Variants in GPC6 observed in about 807,000 individuals in gnomAD.
The protein encoded by GPC6 is glypican-6.
GPC6 carries 14 observed loss-of-function variants against 55.2 expected under a neutral mutation model. The ratio of observed to expected loss-of-function variants is 0.25; its 90% CI spans 0.17 to 0.40. The LOEUF (loss-of-function observed/expected upper bound fraction) is 0.40, where lower values mean the gene tolerates loss of function less well. Among genes scored for constraint, GPC6 ranks in the 10% least tolerant of loss-of-function variants. GPC6 has a pLI of 1.00. For missense variants in GPC6, 641 were observed against 708.5 expected (o/e 0.90, Z 1.08); for synonymous variants, 278 against 259.6 (o/e 1.07, Z -0.68).
chr13:93,345,126 G>C (rs1283927393), intron 1 of GPC6, among the ~76,000 whole-genome samples: 1 of 152,082 alleles, frequency 6.6e-6, no homozygotes, highest in Admixed American at 6.6e-5. Context: ...TTAAAATGTT[G>C]AGGGCTTGCT....
intron 1 of GPC6, among the ~76,000 whole-genome samples, chr13:93,473,215 C>T (rs902878459): frequency 2.0e-5 from 3 of 152,202 alleles, no homozygotes; most frequent in Admixed American, 6.5e-5. Context: ...CTCCTGCTGC[C>T]GTCCATGGGC....
intron 2 of GPC6, among the ~76,000 whole-genome samples, chr13:93,698,496 T>A: frequency 6.8e-6 from 1 of 146,154 alleles, no homozygotes; most frequent in Admixed American, 6.8e-5. Context: ...TTTTTTTTTT[T>A]TTTTTTTTTT....
At chr13:93,675,240 G>A (rs1014046565) in intron 2 of GPC6, among the ~76,000 whole-genome samples, 5 of 151,996 alleles carry the variant, frequency 3.3e-5, no homozygotes, top group Admixed American at 1.3e-4. Flanking sequence ...TAAGTCTCCA[G>A]TTTAGGGGTT....
At chr13:93,248,684 G>A (rs539574128) in intron 1 of GPC6, among the ~76,000 whole-genome samples, 98 of 152,274 alleles carry the variant, frequency 6.4e-4, no homozygotes, top group African/African-American at 2.2e-3. Context: ...GCTGGGAGCC[G>A]CTGCCTGAAA....
chr13:93,588,313 A>G (rs1877301658), intron 2 of GPC6, among the ~76,000 whole-genome samples: 1 of 152,222 alleles, frequency 6.6e-6, no homozygotes, highest in African/African-American at 2.4e-5. Context: ...GAAAACAAAC[A>G]AACAAAAACA....
chr13:93,883,354 C>A (rs1026916404), intron 3 of GPC6, among the ~76,000 whole-genome samples: 6 of 152,078 alleles, frequency 3.9e-5, no homozygotes, highest in African/African-American at 1.2e-4. Flanking sequence ...TTGCACTCTG[C>A]CAACATAGTT....
intron 4 of GPC6, among the ~76,000 whole-genome samples, chr13:94,086,786 A>C (rs978319713): frequency 6.6e-6 from 1 of 152,234 alleles, no homozygotes; most frequent in African/African-American, 2.4e-5. Flanking sequence ...CGATTTTTTA[A>C]TAATCTTTTT....
chr13:93,876,781 C>A (rs1003955447), intron 3 of GPC6, among the ~76,000 whole-genome samples: 4 of 151,956 alleles, frequency 2.6e-5, no homozygotes, highest in Admixed American at 6.6e-5. Context: ...AAAGTGAAAT[C>A]TAGCAACCAT....
At chr13:94,120,385 T>C (rs1247136821) in intron 4 of GPC6, among the ~76,000 whole-genome samples, 1 of 152,058 alleles carries the variant, frequency 6.6e-6, no homozygotes, top group Non-Finnish European at 1.5e-5. Context: ...CTTAAGAGCA[T>C]GAGAGTATGA....
chr13:94,305,140 T>A (rs1294742383), intron 5 of GPC6, among the ~76,000 whole-genome samples: 1 of 152,246 alleles, frequency 6.6e-6, no homozygotes, highest in Non-Finnish European at 1.5e-5. Flanking sequence ...CTATTTTTAG[T>A]ACAGTTGATT....
At chr13:93,429,249 CTCTGTT>C (rs1877264047) in intron 1 of GPC6, among the ~76,000 whole-genome samples, 1 of 151,470 alleles carries the variant, frequency 6.6e-6, no homozygotes, top group Admixed American at 6.6e-5. Flanking sequence ...ACTTTCTGAA[CTCTGTT>C]TCTTAGAGCC....
intron 2 of GPC6, among the ~76,000 whole-genome samples, chr13:93,716,285 A>G (rs2138816028): frequency 6.6e-6 from 1 of 151,816 alleles, no homozygotes; most frequent in East Asian, 2.0e-4. Context: ...TTACTTGTGA[A>G]GCAGCCTTAG....
At chr13:94,344,629 A>C (rs1387111202) in intron 6 of GPC6, among the ~76,000 whole-genome samples, 1 of 152,242 alleles carries the variant, frequency 6.6e-6, no homozygotes, top group Non-Finnish European at 1.5e-5. Flanking sequence ...TGCAGAGAAT[A>C]TCAGAGCAAC....
rs1883979109 is a variant in GPC6 at position 94,052,345 on chromosome 13, T to A, written c.877+24451T>A. ...TGAAGGTACTTTGTCTAAAAAATGGTCTAACTAAACCATAGCATGTAGAGG... is the reference window on the plus strand; with the variant it reads ...TGAAGGTACTTTGTCTAAAAAATGGACTAACTAAACCATAGCATGTAGAGG... On this transcript the variant is annotated intron_variant, in intron 4 of 8. Transcript: ENST00000377047. Among the ~76,000 whole-genome samples, 4 of 152,110 alleles carry A rather than the reference T, an allele frequency of 2.6e-5. No homozygotes were observed. In the South Asian group the frequency reaches 8.3e-4, roughly 32 times the overall value.
chr13:94,266,151 C>CTTTTTTTTTTTTTTTT (rs111623457), intron 4 of GPC6, among the ~76,000 whole-genome samples: 1 of 142,822 alleles, frequency 7.0e-6, no homozygotes. Context: ...CTTTTCTTTT[C>CTTTTTTTTTTTTTTTT]TTTTTTTTTT....
At chr13:93,973,904 G>T (rs1198313292) in intron 3 of GPC6, among the ~76,000 whole-genome samples, 1 of 152,164 alleles carries the variant, frequency 6.6e-6, no homozygotes, top group East Asian at 1.9e-4. Flanking sequence ...TGCCTTGTCT[G>T]CCCCTCCTTG....
At chr13:93,363,380 C>T (rs559273766) in intron 1 of GPC6, among the ~76,000 whole-genome samples, 2,981 of 150,442 alleles carry the variant, frequency 0.02, 106 homozygotes, top group African/African-American at 0.069. Context: ...TGAGAATATG[C>T]GGTGTTTGGT....
chr13:94,278,817 G>A (rs745570585), intron 4 of GPC6, among the ~76,000 whole-genome samples: 1 of 152,174 alleles, frequency 6.6e-6, no homozygotes, highest in Non-Finnish European at 1.5e-5. Context: ...GGTTTTTGAT[G>A]TGCTACTGAA....
chr13:93,234,746 GAAGT>G (rs977807840), intron 1 of GPC6, among the ~76,000 whole-genome samples: 4 of 150,516 alleles, frequency 2.7e-5, no homozygotes, highest in Non-Finnish European at 5.9e-5. Flanking sequence ...AGAGAAGAGA[GAAGT>G]AAGTGTCCCA....
Sources: allele counts gnomAD v4.1 joint callset (sites outside exome capture counted in the v4.1 genomes callset), GRCh38; gene constraint gnomAD v4.1.1; transcripts MANE v1.5; gene names NCBI Gene and HGNC (gene_info 2026-07-23, HGNC 2026-07-21).